ZDHHC18: variants seen among roughly 807,000 people sequenced by gnomAD.
ZDHHC18 encodes zDHHC palmitoyltransferase 18, also known as palmitoyltransferase ZDHHC18.
A neutral mutation model predicts 37.5 loss-of-function variants in ZDHHC18; 23 were observed. That is an observed-to-expected ratio of 0.61 (90% CI 0.44 to 0.87). The LOEUF is 0.87. Ranked by LOEUF, ZDHHC18 falls within the 40% of genes least tolerant of loss-of-function variation. ZDHHC18 has a pLI of 0.00. For missense variants in ZDHHC18, 406 were observed against 525.6 expected, an observed-to-expected ratio of 0.77 and a Z score of 2.22; for synonymous variants, 185 against 218.7, an observed-to-expected ratio of 0.85 and a Z score of 1.36.
At position 26,840,576 on chromosome 1, in the gene ZDHHC18, G is replaced by A. The variant is rs547323527; in HGVS notation, c.496+7969G>A. On this transcript the variant is annotated intron_variant, in intron 2 of 7. Transcript: ENST00000374142. The stretch of plus-strand genomic sequence containing the variant: ...CCTGCCTCAGCCTCCCGAGTAGCTG[G>A]GATTACAGGCATGCGCCACCATGCC... Among the ~76,000 whole-genome samples the A allele has an allele frequency of 1.5e-3, 230 of 151,660 alleles. 1 individual carries two copies. Among genetic ancestry groups the A allele is most frequent in the Non-Finnish European group, 9.6e-4 (65 of 67,926 alleles).
rs903399886 is a variant in ZDHHC18 at position 26,855,184 on chromosome 1, G to A, written c.*1341G>A. ...GTGGGTGGGGTGATGGCTCTGGGGAGCGGCTGCCATCCTACAAGCCACACC... is the reference window on the plus strand; with the variant it reads ...GTGGGTGGGGTGATGGCTCTGGGGAACGGCTGCCATCCTACAAGCCACACC... On this transcript the variant is annotated 3_prime_UTR_variant, in exon 8 of 8. Coordinates refer to ENST00000374142, the MANE Select transcript of ZDHHC18 (RefSeq NM_032283.3). The A allele has an allele frequency of 1.3e-5, 2 of 152,316 alleles. No homozygotes were observed. The highest frequency in any genetic ancestry group is 2.9e-5 in the Non-Finnish European group (2 of 68,102). The allele number at this position is 152,316 out of a possible 1,614,324, so 9.4% of individuals were successfully genotyped here. A position where few individuals can be genotyped will look rare whatever the true frequency, so the allele number is the denominator to read the frequency against.
chr1:26,851,205 G>A lies in ZDHHC18; in HGVS notation c.910G>A (p.Ala304Thr), dbSNP rs199821130. Residue 304 changes from alanine to threonine, a missense_variant, in exon 6 of 8, where the codon GCC becomes ACC. By Grantham distance (58) the Ala-to-Thr change is moderately conservative (BLOSUM62 0). Coordinates refer to ENST00000374142, the MANE Select transcript of ZDHHC18 (RefSeq NM_032283.3). The part of the protein sequence containing the change: ...GLSGFHTYLV[A>T]SNLTTNEDIK... ...CTCAGGGTTTCACACGTACCTCGTCGCCTCCAACCTGACTACTAATGAAGA... is the reference window on the plus strand; with the variant it reads ...CTCAGGGTTTCACACGTACCTCGTCACCTCCAACCTGACTACTAATGAAGA... 201 of 1,614,130 alleles carry A rather than the reference G, an allele frequency of 1.2e-4. 1 individual carries two copies. In the East Asian group the frequency reaches 1.3e-3, roughly 10 times the overall value.
chr1:26,837,907 T>TTGCTTG (rs1268892468), intron 2 of ZDHHC18, among the ~76,000 whole-genome samples: 10 of 152,256 alleles, frequency 6.6e-5, no homozygotes, highest in Admixed American at 1.3e-4. Flanking sequence ...CTCAGTGCGT[T>TTGCTTG]TGCTTGTGCT....
chr1:26,838,367 T>C (rs1485083989), intron 2 of ZDHHC18, among the ~76,000 whole-genome samples: 2 of 152,110 alleles, frequency 1.3e-5, no homozygotes, highest in African/African-American at 2.4e-5. Context: ...TCTCTCAAAC[T>C]CCTGGACTCA....
chr1:26,842,050 C>G (rs1260491117), intron 2 of ZDHHC18, among the ~76,000 whole-genome samples: 1 of 151,320 alleles, frequency 6.6e-6, no homozygotes, highest in African/African-American at 2.4e-5. Flanking sequence ...CAGAGAATTG[C>G]TTTGACCTGC....
intron 2 of ZDHHC18, among the ~76,000 whole-genome samples, chr1:26,842,064 G>A (rs2081641782): frequency 6.6e-6 from 1 of 151,744 alleles, no homozygotes; most frequent in Admixed American, 6.6e-5. Context: ...GACCTGCAAG[G>A]TGGAGGTTGC....
Position 26,855,932 on chromosome 1 carries a change from T to A in ZDHHC18, c.*2089T>A, listed in dbSNP as rs534165358. ...CTGCGGCTGAGCCCCCATGGGCACG[T>A]GAAAAGAGGCCATCCTGTCCCCTCT... On this transcript the variant is annotated 3_prime_UTR_variant, in exon 8 of 8. Transcript: ENST00000374142. 3.8e-6 allele frequency: 1 copy of A among 264,210 alleles called. No homozygotes were observed. The highest frequency in any genetic ancestry group is 2.2e-5 in the African/African-American group (1 of 45,434). The allele number at this position is 264,210 out of a possible 1,614,324, so 16.4% of individuals were successfully genotyped here.
At chr1:26,843,887 A>G (rs907715973) in intron 2 of ZDHHC18, among the ~76,000 whole-genome samples, 5 of 152,186 alleles carry the variant, frequency 3.3e-5, no homozygotes, top group Non-Finnish European at 5.9e-5. Context: ...GAAACAGTAT[A>G]TGACTGGCAT....
Position 26,826,707 on chromosome 1 carries a change from G to A in ZDHHC18, c.-98G>A. The A allele has an allele frequency of 2.0e-6, 1 of 509,552 alleles. No individual in the cohort carries two copies. The highest frequency in any genetic ancestry group is 2.5e-6 in the Non-Finnish European group (1 of 397,048). 31.6% of individuals were successfully genotyped at this position (509,552 alleles called of 1,614,324 possible). A position where few individuals can be genotyped will look rare whatever the true frequency, so the allele number is the denominator to read the frequency against. Reference sequence around the variant, plus strand: ...CGCCCCAGTGAGTGAGCGAGCGAGCGCCGCGCGCGCCGCCGCTGCCACCTC... The same window carrying A: ...CGCCCCAGTGAGTGAGCGAGCGAGCACCGCGCGCGCCGCCGCTGCCACCTC... On this transcript the variant is annotated 5_prime_UTR_variant, in exon 1 of 8. Transcript: ENST00000374142. This position sits in a 1 kb window ranked among gnomAD's most constrained non-coding sequence, Gnocchi z 5.2.
rs1349206850 is a variant in ZDHHC18 at position 26,856,308 on chromosome 1, A to G, written c.*2465A>G. 2.4e-6 allele frequency: 1 copy of G among 424,612 alleles called. No homozygotes were observed. The highest frequency in any genetic ancestry group is 4.9e-6 in the Non-Finnish European group (1 of 202,058). 26.3% of individuals were successfully genotyped at this position (424,612 alleles called of 1,614,324 possible). Reference sequence around the variant, plus strand: ...TCGGCCAGCACTGCCCGCTCCCCTCACACACCATCTCATCCTCATCGCATG... The same window carrying G: ...TCGGCCAGCACTGCCCGCTCCCCTCGCACACCATCTCATCCTCATCGCATG... On this transcript the variant is annotated 3_prime_UTR_variant, in exon 8 of 8. Transcript: ENST00000374142. This position sits in a 1 kb window ranked among gnomAD's most constrained non-coding sequence, Gnocchi z 5.2.
intron 1 of ZDHHC18, 54 bp downstream of exon 1, chr1:26,827,193 T>G (rs1441409580): frequency 2.7e-6 from 3 of 1,101,060 alleles, no homozygotes; most frequent in Non-Finnish European, 3.3e-6. Context: ...GCACCCCACC[T>G]TCCCAATCCC....
intron 2 of ZDHHC18, among the ~76,000 whole-genome samples, chr1:26,835,737 A>G (rs2081608647): frequency 6.6e-6 from 1 of 152,166 alleles, no homozygotes. Context: ...TTCCCCGAAA[A>G]TGATCAGGAC....
chr1:26,847,901 C>T (rs949198737), intron 2 of ZDHHC18, among the ~76,000 whole-genome samples: 7 of 152,188 alleles, frequency 4.6e-5, no homozygotes, highest in African/African-American at 1.7e-4. Flanking sequence ...GGCCAGCAGT[C>T]TTGTAAATGT....
intron 2 of ZDHHC18, among the ~76,000 whole-genome samples, chr1:26,846,215 C>CATATATACGTGT (rs1553158076): frequency 3.3e-4 from 19 of 57,058 alleles, no homozygotes; most frequent in East Asian, 0.018. Flanking sequence ...CACGTATATA[C>CATATATACGTGT]ATATATATGT....
rs1045910166 is a variant in ZDHHC18 at position 26,855,187 on chromosome 1, G to C, written c.*1344G>C. 2.0e-5 allele frequency: 3 copies of C among 152,266 alleles called. No individual in the cohort carries two copies. The highest frequency in any genetic ancestry group is 4.4e-5 in the Non-Finnish European group (3 of 68,084). 9.4% of individuals were successfully genotyped at this position (152,266 alleles called of 1,614,324 possible). A position where few individuals can be genotyped will look rare whatever the true frequency, so the allele number is the denominator to read the frequency against. On this transcript the variant is annotated 3_prime_UTR_variant, in exon 8 of 8. Coordinates refer to ENST00000374142, the MANE Select transcript of ZDHHC18 (RefSeq NM_032283.3). ...GGTGGGGTGATGGCTCTGGGGAGCG[G>C]CTGCCATCCTACAAGCCACACCCCC...
chr1:26,834,629 G>A (rs1283513321), intron 2 of ZDHHC18, among the ~76,000 whole-genome samples: 4 of 152,164 alleles, frequency 2.6e-5, no homozygotes, highest in Admixed American at 1.3e-4. Context: ...GCTGGCCTGT[G>A]AGGGCATGGA....
At chr1:26,837,045 G>A (rs966916126) in intron 2 of ZDHHC18, among the ~76,000 whole-genome samples, 3 of 147,614 alleles carry the variant, frequency 2.0e-5, no homozygotes, top group East Asian at 2.0e-4. Flanking sequence ...TCAGGAGATC[G>A]AGACCATCCT....
At chr1:26,846,982 G>A (rs909165737) in intron 2 of ZDHHC18, among the ~76,000 whole-genome samples, 3 of 150,796 alleles carry the variant, frequency 2.0e-5, no homozygotes, top group Non-Finnish European at 1.5e-5. Context: ...TGCAAGCTCC[G>A]CCTCCCGGGT....
At position 26,850,204 on chromosome 1, in the gene ZDHHC18, C is replaced by T. The variant is rs1302821643; in HGVS notation, c.647-97C>T. 9.5e-6 allele frequency: 14 copies of T among 1,469,866 alleles called. No homozygotes were observed. Among genetic ancestry groups the T allele is most frequent in the South Asian group, 7.7e-5 (6 of 78,140 alleles). The allele number at this position is 1,469,866 out of a possible 1,614,324, so 91.1% of individuals were successfully genotyped here. Reference sequence around the variant, plus strand: ...AGCCAGCTGGTGCTGCGAGAGTGAACGGGGTAGGAAAGCCCCAGCCATGGG... The same window carrying T: ...AGCCAGCTGGTGCTGCGAGAGTGAATGGGGTAGGAAAGCCCCAGCCATGGG... On this transcript the variant is annotated intron_variant, in intron 3 of 7. Transcript: ENST00000374142. The surrounding 1 kb of genome is among the most constrained non-coding windows in gnomAD (Gnocchi z 6.1).
Sources: gnomAD v4.1 joint callset for allele counts (sites outside exome capture counted in the v4.1 genomes callset) on GRCh38, gnomAD v4.1.1 for gene constraint, Gnocchi (gnomAD v3.1) non-coding constraint, MANE v1.5 for transcripts, NCBI Gene and HGNC (gene_info 2026-07-23, HGNC 2026-07-21) for gene names.